Variants in FAM241A observed in about 807,000 individuals in gnomAD.
FAM241A encodes family with sequence similarity 241 member A.
In FAM241A, 7 loss-of-function variants were observed where a neutral mutation model predicts 12.2. That is an observed-to-expected ratio of 0.58 (90% CI 0.33 to 1.08). The LOEUF is 1.08. Ranked by LOEUF, FAM241A falls within the 50% of genes least tolerant of loss-of-function variation. FAM241A has a pLI of 0.04. For synonymous variants in FAM241A, 74 were observed against 68.2 expected, an observed-to-expected ratio of 1.08 and a Z score of -0.42; for missense variants, 161 against 169.7, an observed-to-expected ratio of 0.95 and a Z score of 0.29.
At chr4:112,177,909 T>C (rs1578378236) in intron 1 of FAM241A, among the ~76,000 whole-genome samples, 1 of 152,242 alleles carries the variant, frequency 6.6e-6, no homozygotes, top group African/African-American at 2.4e-5. Flanking sequence ...TGAATATTGA[T>C]ATTACATTTA....
Position 112,187,366 on chromosome 4 carries a change from C to T in FAM241A, c.*428C>T, listed in dbSNP as rs1318077237. 6.5e-6 allele frequency: 1 copy of T among 154,940 alleles called. No individual in the cohort carries two copies. Among genetic ancestry groups the T allele is most frequent in the Non-Finnish European group, 1.4e-5 (1 of 69,820 alleles). The allele number at this position is 154,940 out of a possible 1,614,324, so 9.6% of individuals were successfully genotyped here. A position where few individuals can be genotyped will look rare whatever the true frequency, so the allele number is the denominator to read the frequency against. On this transcript the variant is annotated 3_prime_UTR_variant, in exon 2 of 2. Transcript: ENST00000309733. ...AGTAAGTTTCACTTAGAAAACTTCT[C>T]CCCACTCACACTCCCCACCAAATAA...
intron 1 of FAM241A, among the ~76,000 whole-genome samples, chr4:112,152,151 T>A (rs535912408): frequency 3.4e-3 from 520 of 152,318 alleles, no homozygotes; most frequent in Middle Eastern, 0.01. Flanking sequence ...TTCATTTTTT[T>A]AAATCATCCA....
chr4:112,180,021 A>G (rs201356173), intron 1 of FAM241A, among the ~76,000 whole-genome samples: 1 of 384 alleles, frequency 2.6e-3, no homozygotes, highest in Non-Finnish European at 5.6e-3. Context: ...GCACAGCCCT[A>G]AAAAAAAAAC....
Position 112,194,975 on chromosome 4 carries a change from T to A in FAM241A, c.*8037T>A, listed in dbSNP as rs898499277. 5.3e-5 allele frequency: 8 copies of A among 152,270 alleles called. No homozygotes were observed. Among genetic ancestry groups the A allele is most frequent in the African/African-American group, 1.9e-4 (8 of 41,438 alleles). The allele number at this position is 152,270 out of a possible 1,614,324, so 9.4% of individuals were successfully genotyped here. On this transcript the variant is annotated 3_prime_UTR_variant, in exon 2 of 2. Coordinates refer to ENST00000309733, the MANE Select transcript of FAM241A (RefSeq NM_152400.3). ...TTTTAGTAGAGACGGGGTTTCACCA[T>A]GTTGGCCAGGATGGTCTCAATCGCT...
intron 1 of FAM241A, among the ~76,000 whole-genome samples, chr4:112,179,477 A>G (rs992803372): frequency 6.6e-6 from 1 of 152,000 alleles, no homozygotes; most frequent in Non-Finnish European, 1.5e-5. Flanking sequence ...CAAACACCGC[A>G]TGTTCTCACT....
At position 112,193,415 on chromosome 4, in the gene FAM241A, C is replaced by A. The variant is rs1282320434; in HGVS notation, c.*6477C>A. On this transcript the variant is annotated 3_prime_UTR_variant, in exon 2 of 2. Coordinates refer to ENST00000309733, the MANE Select transcript of FAM241A (RefSeq NM_152400.3). The stretch of plus-strand genomic sequence containing the variant: ...GCTTTTGGTGTTTTAGACATGAAGT[C>A]CTTGCCCATGCCTATGTCCTGAATG... The A allele has an allele frequency of 6.6e-6, 1 of 152,028 alleles. No individual in the cohort carries two copies. The highest frequency in any genetic ancestry group is 2.4e-5 in the African/African-American group (1 of 41,374). The allele number at this position is 152,028 out of a possible 1,614,324, so 9.4% of individuals were successfully genotyped here.
chr4:112,177,705 T>A (rs1723850089), intron 1 of FAM241A, among the ~76,000 whole-genome samples: 1 of 152,146 alleles, frequency 6.6e-6, no homozygotes, highest in African/African-American at 2.4e-5. Flanking sequence ...ATTACAAGCA[T>A]CTTGAGAGAG....
intron 1 of FAM241A, among the ~76,000 whole-genome samples, chr4:112,150,549 C>T (rs1055868145): frequency 2.0e-5 from 3 of 152,014 alleles, no homozygotes; most frequent in Non-Finnish European, 4.4e-5. Flanking sequence ...AATGCTGGCT[C>T]ATAGATAAAT....
chr4:112,182,803 C>G (rs1315977265), intron 1 of FAM241A, among the ~76,000 whole-genome samples: 1 of 152,178 alleles, frequency 6.6e-6, no homozygotes, highest in Non-Finnish European at 1.5e-5. Flanking sequence ...CAACCCCCAA[C>G]AAAGCCCATT....
intron 1 of FAM241A, among the ~76,000 whole-genome samples, chr4:112,180,220 T>TG (rs1194227915): frequency 2.0e-5 from 3 of 151,722 alleles, no homozygotes; most frequent in Non-Finnish European, 4.4e-5. Context: ...AGGAAGAAAG[T>TG]GGAGTGTGGG....
rs1400485784 is a variant in FAM241A, at chr4:112,187,750, A to G, written c.*812A>G. Reference sequence around the variant, plus strand: ...TAACAAGTTGCATATTTTTTCCTAGAGAGACATTTTCAGTGTATTTTTTTT... The same window carrying G: ...TAACAAGTTGCATATTTTTTCCTAGGGAGACATTTTCAGTGTATTTTTTTT... On this transcript the variant is annotated 3_prime_UTR_variant, in exon 2 of 2. Transcript: ENST00000309733. The G allele has an allele frequency of 1.3e-5, 2 of 152,122 alleles. No homozygotes were observed. Among genetic ancestry groups the G allele is most frequent in the East Asian group, 3.9e-4 (2 of 5,186 alleles). The allele number at this position is 152,122 out of a possible 1,614,324, so 9.4% of individuals were successfully genotyped here. A position where few individuals can be genotyped will look rare whatever the true frequency, so the allele number is the denominator to read the frequency against.
intron 1 of FAM241A, among the ~76,000 whole-genome samples, chr4:112,160,825 A>G (rs187754987): frequency 2.0e-5 from 3 of 152,310 alleles, no homozygotes; most frequent in Admixed American, 2.0e-4. Flanking sequence ...CTCTTCAATA[A>G]ATGATGCTGT....
At position 112,186,840 on chromosome 4, in the gene FAM241A, A is replaced by G; in HGVS notation, c.301A>G (p.Ile101Val). The change falls in exon 2 of 2, where the codon ATA (isoleucine) becomes GTA (valine). Residue 101 changes from isoleucine (I) to valine (V), a missense_variant. Physicochemically the swap from Ile to Val is conservative, Grantham distance 29. Transcript: ENST00000309733. ...YFGERIVEPV[I>V]VIFFWVMLWF... The stretch of plus-strand genomic sequence containing the variant: ...TGGAGAACGAATAGTGGAACCAGTA[A>G]TAGTCATTTTCTTTTGGGTTATGCT... 6.2e-7 allele frequency: 1 copy of G among 1,614,108 alleles called. No homozygotes were observed.
rs1428622380 is a variant in FAM241A at position 112,191,785 on chromosome 4, C to T, written c.*4847C>T. On this transcript the variant is annotated 3_prime_UTR_variant, in exon 2 of 2. Coordinates refer to ENST00000309733, the MANE Select transcript of FAM241A (RefSeq NM_152400.3). ...CAACCCTGTGCTTTCCAGGTCAGCA[C>T]TTCTCATGCTATATTGCAATAGCTT... 6.6e-6 allele frequency: 1 copy of T among 152,130 alleles called. No homozygotes were observed. Among genetic ancestry groups the T allele is most frequent in the Non-Finnish European group, 1.5e-5 (1 of 68,034 alleles). 9.4% of individuals were successfully genotyped at this position (152,130 alleles called of 1,614,324 possible).
At chr4:112,167,774 A>G (rs1280223188) in intron 1 of FAM241A, among the ~76,000 whole-genome samples, 1 of 152,222 alleles carries the variant, frequency 6.6e-6, no homozygotes, top group Non-Finnish European at 1.5e-5. Flanking sequence ...CTTACTCTTG[A>G]TAAGCATTCA....
chr4:112,179,914 G>GACATATATATATATATATATATATAT lies in FAM241A; in HGVS notation c.154-6778_154-6777insCATATATATATATATATATATATATA, dbSNP rs1479640205. Among the ~76,000 whole-genome samples, 181 of 117,722 alleles carry GACATATATATATATATATATATATAT rather than the reference G, an allele frequency of 1.5e-3. 4 individuals carry two copies. Among genetic ancestry groups the GACATATATATATATATATATATATAT allele is most frequent in the South Asian group, 2.2e-3 (8 of 3,688 alleles). The allele number at this position is 117,722 out of a possible 152,430, so 77.2% of individuals were successfully genotyped here. A position where few individuals can be genotyped will look rare whatever the true frequency, so the allele number is the denominator to read the frequency against. ...ATGGTGGATTGCATAAAGAAAATGT[G>GACATATATATATATATATATATATAT]ATATATATATATATATATATATATG... On this transcript the variant is annotated intron_variant, in intron 1 of 1. Coordinates refer to ENST00000309733, the MANE Select transcript of FAM241A (RefSeq NM_152400.3).
chr4:112,161,251 A>G (rs569796656), intron 1 of FAM241A, among the ~76,000 whole-genome samples: 162 of 152,352 alleles, frequency 1.1e-3, no homozygotes, highest in Middle Eastern at 3.4e-3. Flanking sequence ...AATTAAAAGA[A>G]CTAGAGAAGC....
At chr4:112,184,762 C>T (rs1482992423) in intron 1 of FAM241A, among the ~76,000 whole-genome samples, 1 of 151,966 alleles carries the variant, frequency 6.6e-6, no homozygotes, top group African/African-American at 2.4e-5. Context: ...TTTTTTTTCA[C>T]TCTTCCCTTA....
At chr4:112,167,565 AT>A (rs1468782498) in intron 1 of FAM241A, among the ~76,000 whole-genome samples, 1 of 152,214 alleles carries the variant, frequency 6.6e-6, no homozygotes, top group Non-Finnish European at 1.5e-5. Flanking sequence ...TACTCTAGAG[AT>A]CTGAAGAGTT....
Sources: gnomAD v4.1 joint callset for allele counts (sites outside exome capture counted in the v4.1 genomes callset) on GRCh38, gnomAD v4.1.1 for gene constraint, MANE v1.5 for transcripts, NCBI Gene and HGNC (gene_info 2026-07-23, HGNC 2026-07-21) for gene names.